WNT9B: variants seen among roughly 807,000 people sequenced by gnomAD.
The protein encoded by WNT9B is protein Wnt-9b.
A neutral mutation model predicts 30.2 loss-of-function variants in WNT9B; 12 were observed. The ratio of observed to expected loss-of-function variants is 0.40; its 90% CI spans 0.26 to 0.64. The LOEUF is 0.64. Ranked by LOEUF, WNT9B falls within the 30% of genes least tolerant of loss-of-function variation. The pLI is 0.42. For missense variants in WNT9B, 442 were observed against 485.2 expected, an observed-to-expected ratio of 0.91 and a Z score of 0.84; for synonymous variants, 218 against 216.9, an observed-to-expected ratio of 1.01 and a Z score of -0.05.
Position 46,876,466 on chromosome 17 carries a change from G to C in WNT9B, c.822G>C (p.Leu274=). ...GGCAGGGCAGCCTCACCAAAGGCCTGGCCCCAAGGTCTGGGGACCTGGTGT... is the reference window on the plus strand; with the variant it reads ...GGCAGGGCAGCCTCACCAAAGGCCTCGCCCCAAGGTCTGGGGACCTGGTGT... ...PARQGSLTKG[L]APRSGDLVYM... Residue 274 remains leucine (L), a synonymous_variant, in exon 4 of 4, where the codon CTG becomes CTC. Coordinates refer to ENST00000290015, the MANE Select transcript of WNT9B (RefSeq NM_003396.3). 6.2e-7 allele frequency: 1 copy of C among 1,613,686 alleles called. No homozygotes were observed. The highest frequency in any genetic ancestry group is 8.5e-7 in the Non-Finnish European group (1 of 1,180,036).
chr17:46,845,559 G>A (rs139272130), intron 1 of WNT9B, among the ~76,000 whole-genome samples: 36 of 143,520 alleles, frequency 2.5e-4, no homozygotes, highest in African/African-American at 9.2e-4. Flanking sequence ...GCACAATCTC[G>A]GCTCACTGCA....
intron 2 of WNT9B, 97 bp downstream of exon 2, chr17:46,872,870 C>G: frequency 7.1e-7 from 1 of 1,403,312 alleles, no homozygotes; most frequent in South Asian, 1.4e-5. Context: ...TCCTGGCTCC[C>G]GTGCCCAGGC....
At chr17:46,857,614 G>A (rs2084961312) in intron 1 of WNT9B, among the ~76,000 whole-genome samples, 1 of 152,124 alleles carries the variant, frequency 6.6e-6, no homozygotes, top group Non-Finnish European at 1.5e-5. Context: ...TCTAGGAGTG[G>A]ATTGTTGGAT....
rs114364426 is a variant in WNT9B at position 46,836,243 on chromosome 17, C to G, written c.95+2803C>G. Among the ~76,000 whole-genome samples, 16 of 151,788 alleles carry G rather than the reference C, an allele frequency of 1.1e-4. No individual in the cohort carries two copies. The South Asian group carries it at 2.5e-3, about 24-fold the overall frequency. On this transcript the variant is annotated intron_variant, in intron 1 of 2. Coordinates refer to the WNT9B transcript ENST00000575372. ...TTCCAAGGAAGCAGCCAAAAGAGTGCGGAGGAAGTGATATTGGAATTCAAC... is the reference window on the plus strand; with the variant it reads ...TTCCAAGGAAGCAGCCAAAAGAGTGGGGAGGAAGTGATATTGGAATTCAAC...
rs770723480 is a variant in WNT9B at position 46,851,642 on chromosome 17, C to T, written c.4C>T (p.Arg2Cys). ...AGGGCGCAGCGCCGCCAGCACCATG[C>T]GCCCCCCGCCCGCGCTGGCCCTGGC... is the stretch of plus-strand genomic sequence containing the variant. M[R>C]PPPALALAGL... Residue 2 changes from arginine to cysteine, a missense_variant, in exon 1 of 4, where the codon CGC becomes TGC. Transcript: ENST00000290015. The surrounding 1 kb of genome is among the most constrained non-coding windows in gnomAD (Gnocchi z 4.3). The T allele has an allele frequency of 7.1e-6, 9 of 1,274,628 alleles. No individual in the cohort carries two copies. The highest frequency in any genetic ancestry group is 5.4e-5 in the South Asian group (2 of 37,372). 79.0% of individuals were successfully genotyped at this position (1,274,628 alleles called of 1,614,324 possible). A position where few individuals can be genotyped will look rare whatever the true frequency, so the allele number is the denominator to read the frequency against.
chr17:46,849,149 G>A (rs181895133), upstream of WNT9B, among the ~76,000 whole-genome samples: 131 of 152,326 alleles, frequency 8.6e-4, 3 homozygotes, highest in East Asian at 0.022. Context: ...CAAGGGTGGG[G>A]CCACGCCATT....
At chr17:46,858,008 C>T (rs2084967947) in intron 1 of WNT9B, among the ~76,000 whole-genome samples, 1 of 152,192 alleles carries the variant, frequency 6.6e-6, no homozygotes, top group Admixed American at 6.6e-5. Context: ...TGGCTAACTG[C>T]AACCTCCACC....
rs765142152 is a variant in WNT9B, at chr17:46,879,244, C to T, written c.*2526C>T. Reference sequence around the variant, plus strand: ...CTCTGTCTGGGGAGATACAGCCTGACCTGACCGGGTCCCCCACTGAGCAGG... The same window carrying T: ...CTCTGTCTGGGGAGATACAGCCTGATCTGACCGGGTCCCCCACTGAGCAGG... On this transcript the variant is annotated 3_prime_UTR_variant, in exon 4 of 4. Transcript: ENST00000290015. Among the ~76,000 whole-genome samples the T allele has an allele frequency of 6.6e-6, 1 of 152,154 alleles. No individual in the cohort carries two copies. Among genetic ancestry groups the T allele is most frequent in the African/African-American group, 2.4e-5 (1 of 41,432 alleles).
chr17:46,834,205 A>T (rs1487329809), intron 1 of WNT9B, among the ~76,000 whole-genome samples: 1 of 152,168 alleles, frequency 6.6e-6, no homozygotes, highest in Non-Finnish European at 1.5e-5. Flanking sequence ...AAAAAATAAA[A>T]AAAGAAAATG....
chr17:46,835,860 G>A (rs1467006690), intron 1 of WNT9B, among the ~76,000 whole-genome samples: 5 of 152,230 alleles, frequency 3.3e-5, no homozygotes, highest in Non-Finnish European at 5.9e-5. Flanking sequence ...TCTTAACCAG[G>A]AAGTTGAGCT....
chr17:46,839,154 A>G (rs961314783), intron 1 of WNT9B, among the ~76,000 whole-genome samples: 3 of 152,260 alleles, frequency 2.0e-5, no homozygotes, highest in Non-Finnish European at 2.9e-5. Flanking sequence ...CTGGGATTAC[A>G]GGCGTGAGCC....
intron 2 of WNT9B, 22 bp downstream of exon 2, chr17:46,872,795 C>A (rs554368313): frequency 2.5e-6 from 2 of 788,918 alleles, no homozygotes; most frequent in Admixed American, 2.6e-5. Flanking sequence ...GGCTAGGGGA[C>A]GGGGAGGGCT....
At chr17:46,841,019 G>A (rs1478469737) in intron 1 of WNT9B, among the ~76,000 whole-genome samples, 1 of 152,132 alleles carries the variant, frequency 6.6e-6, no homozygotes, top group African/African-American at 2.4e-5. Flanking sequence ...TCATCACCAT[G>A]GAACGCCTTT....
At chr17:46,861,050 G>T (rs2085028583) in intron 1 of WNT9B, among the ~76,000 whole-genome samples, 1 of 152,166 alleles carries the variant, frequency 6.6e-6, no homozygotes, top group Non-Finnish European at 1.5e-5. Context: ...AGGTGTGCGT[G>T]TTGGGGGGAA....
At chr17:46,876,121 G>T in intron 3 of WNT9B, 124 bp from the exon 4 acceptor site, 2 of 908,262 alleles carry the variant, frequency 2.2e-6, no homozygotes, top group African/African-American at 1.7e-5. Flanking sequence ...AGGAGCTGGG[G>T]CTGAGACCCT....
In WNT9B at chr17:46,880,341, C is replaced by T. The variant is rs1274553417; in HGVS notation, c.*3623C>T. On this transcript the variant is annotated 3_prime_UTR_variant, in exon 4 of 4. Transcript: ENST00000290015. ...CATGAACTTCAAATGCTTTCTGTCT[C>T]AGGACACTTTAGAATAACAATGGAA... is the stretch of plus-strand genomic sequence containing the variant. 2.6e-5 allele frequency among the ~76,000 whole-genome samples: 4 copies of T among 152,204 alleles called. No individual in the cohort carries two copies. Among genetic ancestry groups the T allele is most frequent in the Non-Finnish European group, 5.9e-5 (4 of 68,028 alleles).
chr17:46,885,344 C>G, downstream of WNT9B: 2 of 226,954 alleles, frequency 8.8e-6, no homozygotes, highest in Non-Finnish European at 1.7e-5. Context: ...GCTCTGTCAC[C>G]CAGGCTGGAG....
At chr17:46,864,267 G>A (rs1192080528) in intron 1 of WNT9B, among the ~76,000 whole-genome samples, 1 of 152,194 alleles carries the variant, frequency 6.6e-6, no homozygotes, top group Non-Finnish European at 1.5e-5. Flanking sequence ...CTTGCCACCA[G>A]GAGTGCGGTT....
At chr17:46,860,696 A>T (rs1167534999) in intron 1 of WNT9B, among the ~76,000 whole-genome samples, 1 of 152,202 alleles carries the variant, frequency 6.6e-6, no homozygotes, top group African/African-American at 2.4e-5. Flanking sequence ...TTTGGTGGTG[A>T]CATCTGTTCC....
Sources: gnomAD v4.1 joint callset for allele counts (sites outside exome capture counted in the v4.1 genomes callset) on GRCh38, gnomAD v4.1.1 for gene constraint, Gnocchi (gnomAD v3.1) non-coding constraint, MANE v1.5 for transcripts, NCBI Gene and HGNC (gene_info 2026-07-23, HGNC 2026-07-21) for gene names.